FAM193A: variants seen among roughly 807,000 people sequenced by gnomAD.
FAM193A encodes the protein protein FAM193A.
A neutral mutation model predicts 126.5 loss-of-function variants in FAM193A; 22 were observed. The observed-to-expected ratio is 0.17, with a 90% CI of 0.12 to 0.25. The LOEUF (loss-of-function observed/expected upper bound fraction) is 0.25. FAM193A is among the 10% of genes least tolerant of loss of function. The probability of loss-of-function intolerance (pLI) is 1.00; values close to 1 mark genes in which losing one functional copy is unlikely to be tolerated. For missense variants in FAM193A, 1,675 were observed against 1,672.8 expected, an observed-to-expected ratio of 1.00 and a Z score of -0.02; for synonymous variants, 761 against 646.8, an observed-to-expected ratio of 1.18 and a Z score of -2.68.
intron 13 of FAM193A, among the ~76,000 whole-genome samples, chr4:2,686,207 A>G (rs1715722177): frequency 6.6e-6 from 1 of 152,206 alleles, no homozygotes; most frequent in Non-Finnish European, 1.5e-5. Context: ...TGTCCCTACA[A>G]CTGGGCTTCC....
chr4:2,685,899 A>G (rs1048184801), intron 13 of FAM193A, among the ~76,000 whole-genome samples: 3 of 152,182 alleles, frequency 2.0e-5, no homozygotes, highest in African/African-American at 7.2e-5. Flanking sequence ...TTTTCTATGG[A>G]TTACTTCTTT....
At chr4:2,608,031 A>G in intron 2 of FAM193A, 1 of 1,606,060 alleles carries the variant, frequency 6.2e-7, no homozygotes, top group South Asian at 1.1e-5. Flanking sequence ...CACGCACTTC[A>G]CGTCCGGGTG....
intron 19 of FAM193A, among the ~76,000 whole-genome samples, chr4:2,711,324 C>CT (rs1718946794): frequency 6.6e-6 from 1 of 151,320 alleles, no homozygotes; most frequent in Admixed American, 6.6e-5. Context: ...ATAATTTTTC[C>CT]TTTTTTGTTT....
intron 20 of FAM193A, among the ~76,000 whole-genome samples, chr4:2,716,739 C>T (rs1446704712): frequency 6.6e-6 from 1 of 150,776 alleles, no homozygotes; most frequent in Non-Finnish European, 1.5e-5. Flanking sequence ...TGCAGTGGCA[C>T]GATCTCAGCT....
intron 6 of FAM193A, among the ~76,000 whole-genome samples, chr4:2,642,081 G>A (rs1744684884): frequency 6.8e-6 from 1 of 148,020 alleles, no homozygotes; most frequent in Non-Finnish European, 1.5e-5. Context: ...ATGAGGTCAG[G>A]AGATCGAAAC....
At chr4:2,584,943 C>A (rs529777248) in intron 1 of FAM193A, among the ~76,000 whole-genome samples, 2 of 151,584 alleles carry the variant, frequency 1.3e-5, no homozygotes, top group Admixed American at 1.3e-4. Flanking sequence ...AAAAAAAAAA[C>A]AAACCAAAAC....
At chr4:2,690,628 G>C in intron 14 of FAM193A, 70 bp from the exon 15 acceptor site, 1 of 1,415,538 alleles carries the variant, frequency 7.1e-7, no homozygotes, top group Non-Finnish European at 9.7e-7. Flanking sequence ...TCAGTCATCA[G>C]CATGTCTTTT....
At chr4:2,564,507 C>T (rs1294758942) in intron 1 of FAM193A, among the ~76,000 whole-genome samples, 2 of 152,078 alleles carry the variant, frequency 1.3e-5, no homozygotes, top group Non-Finnish European at 2.9e-5. Context: ...GCACCTCTGC[C>T]ACAAGTATCT....
At position 2,549,376 on chromosome 4, in the gene FAM193A, C is replaced by G. The variant is rs539738461; in HGVS notation, c.255+12206C>G. 6.4e-4 allele frequency among the ~76,000 whole-genome samples: 97 copies of G among 150,478 alleles called. 1 individual carries two copies. The highest frequency in any genetic ancestry group is 1.2e-3 in the Non-Finnish European group (80 of 67,544). The stretch of plus-strand genomic sequence containing the variant: ...CTCCAGGTTATGACGATTTTTTTCC[C>G]TCTATGTTTTCTTTTTTTCTTTTTT... On this transcript the variant is annotated intron_variant, in intron 1 of 20. Transcript: ENST00000637812.
chr4:2,694,879 T>G, intron 16 of FAM193A, 67 bp from the exon 17 acceptor site: 4 of 1,387,190 alleles, frequency 2.9e-6, no homozygotes, highest in Non-Finnish European at 3.9e-6. Flanking sequence ...GGTGGTCATG[T>G]GCAACAATGT....
At chr4:2,603,728 G>T (rs1389112113) in intron 2 of FAM193A, among the ~76,000 whole-genome samples, 3 of 151,782 alleles carry the variant, frequency 2.0e-5, no homozygotes, top group Non-Finnish European at 4.4e-5. Context: ...CAAAGTACAG[G>T]TGTGAGTCAC....
intron 7 of FAM193A, among the ~76,000 whole-genome samples, chr4:2,655,689 G>A (rs1313650325): frequency 6.6e-6 from 1 of 151,998 alleles, no homozygotes; most frequent in East Asian, 1.9e-4. Context: ...CCAGCACTTT[G>A]GGAGGCCAAA....
chr4:2,643,622 C>T (rs896934803), intron 6 of FAM193A, among the ~76,000 whole-genome samples: 4 of 152,118 alleles, frequency 2.6e-5, no homozygotes, highest in Non-Finnish European at 4.4e-5. Context: ...GGGCAGTTTC[C>T]TTCCCTTGAC....
intron 2 of FAM193A, among the ~76,000 whole-genome samples, chr4:2,602,313 A>G (rs1350153030): frequency 3.5e-5 from 5 of 141,714 alleles, no homozygotes; most frequent in African/African-American, 7.9e-5. Flanking sequence ...GGCCTCCACT[A>G]TTGGCAGATG....
intron 6 of FAM193A, among the ~76,000 whole-genome samples, chr4:2,642,981 G>C (rs532992508): frequency 6.6e-5 from 10 of 151,900 alleles, no homozygotes; most frequent in African/African-American, 2.4e-4. Context: ...TGGATTTTCC[G>C]TTTGCTCATT....
intron 12 of FAM193A, among the ~76,000 whole-genome samples, chr4:2,664,305 T>TA (rs1477311649): frequency 6.6e-6 from 1 of 152,222 alleles, no homozygotes; most frequent in Non-Finnish European, 1.5e-5. Context: ...CATATATAGA[T>TA]ATCCAATTGT....
intron 5 of FAM193A, among the ~76,000 whole-genome samples, chr4:2,635,505 T>C (rs959827169): frequency 6.6e-6 from 1 of 152,194 alleles, no homozygotes; most frequent in Non-Finnish European, 1.5e-5. Flanking sequence ...TAATACACTT[T>C]TACATTAGAT....
chr4:2,639,176 C>G (rs966035508), intron 5 of FAM193A, among the ~76,000 whole-genome samples: 4 of 152,150 alleles, frequency 2.6e-5, no homozygotes, highest in Non-Finnish European at 5.9e-5. Flanking sequence ...GACTGGGACA[C>G]TTCTAGGTTT....
chr4:2,600,086 CAG>C (rs891788767), intron 2 of FAM193A, among the ~76,000 whole-genome samples: 3 of 152,128 alleles, frequency 2.0e-5, no homozygotes, highest in Non-Finnish European at 4.4e-5. Flanking sequence ...TTAGTAGAGA[CAG>C]GGTTTCGTGA....
Sources: gnomAD v4.1 joint callset for allele counts (sites outside exome capture counted in the v4.1 genomes callset) on GRCh38, gnomAD v4.1.1 for gene constraint, MANE v1.5 for transcripts, NCBI Gene and HGNC (gene_info 2026-07-23, HGNC 2026-07-21) for gene names.